ADAMTSL1: variants seen among roughly 807,000 people sequenced by gnomAD.
ADAMTSL1 encodes ADAMTS like 1.
Under a neutral mutation model 201.8 loss-of-function variants are expected in ADAMTSL1, and 126 were observed. That is an observed-to-expected ratio of 0.62 (90% confidence interval 0.54 to 0.72). ADAMTSL1 has a LOEUF of 0.72. ADAMTSL1 is among the 30% of genes least tolerant of loss of function. ADAMTSL1 has a pLI of 0.00. For synonymous variants in ADAMTSL1, 1,121 were observed against 903.4 expected, an observed-to-expected ratio of 1.24 and a Z score of -4.32; for missense variants, 2,679 against 2,277.8, an observed-to-expected ratio of 1.18 and a Z score of -3.59.
At chr9:18,145,839 C>T (rs746376290) in intron 1 of ADAMTSL1, among the ~76,000 whole-genome samples, 2 of 152,044 alleles carry the variant, frequency 1.3e-5, no homozygotes, top group Non-Finnish European at 2.9e-5. Context: ...AAAATGTTTG[C>T]AGACTAAATA....
chr9:18,122,674 G>T (rs564625753), intron 1 of ADAMTSL1, among the ~76,000 whole-genome samples: 2 of 152,178 alleles, frequency 1.3e-5, no homozygotes, highest in African/African-American at 2.4e-5. Flanking sequence ...TATTCATAGA[G>T]ATTAGCTGAA....
intron 2 of ADAMTSL1, among the ~76,000 whole-genome samples, chr9:18,243,006 G>T (rs1350124392): frequency 6.6e-6 from 1 of 151,934 alleles, no homozygotes; most frequent in Non-Finnish European, 1.5e-5. Flanking sequence ...AATTCATATG[G>T]AACCATAAAA....
intron 1 of ADAMTSL1, among the ~76,000 whole-genome samples, chr9:18,154,266 G>A (rs1449779020): frequency 1.3e-5 from 2 of 152,026 alleles, no homozygotes; most frequent in Admixed American, 6.6e-5. Flanking sequence ...GTTTAAAACA[G>A]TATTATCATT....
chr9:18,596,341 A>AATCC (rs1824260722), intron 4 of ADAMTSL1, among the ~76,000 whole-genome samples: 1 of 152,222 alleles, frequency 6.6e-6, no homozygotes, highest in Non-Finnish European at 1.5e-5. Context: ...AATCAGATAC[A>AATCC]AATTTGAAGT....
intron 1 of ADAMTSL1, among the ~76,000 whole-genome samples, chr9:17,998,161 GT>G (rs1228231923): frequency 2.0e-5 from 3 of 152,048 alleles, no homozygotes; most frequent in Non-Finnish European, 4.4e-5. Context: ...AAGCAGACAT[GT>G]GTTAAAAGAA....
chr9:18,288,242 C>A (rs1427193867), intron 2 of ADAMTSL1, among the ~76,000 whole-genome samples: 3 of 152,090 alleles, frequency 2.0e-5, no homozygotes, highest in Admixed American at 2.0e-4. Context: ...AGACAGTTAT[C>A]CAATGAGAAA....
rs1215505588 is a variant in ADAMTSL1 at position 18,910,846 on chromosome 9, A to G, written c.*2298A>G. The G allele has an allele frequency of 1.3e-5, 2 of 152,266 alleles. No homozygotes were observed. Among genetic ancestry groups the G allele is most frequent in the Non-Finnish European group, 2.9e-5 (2 of 68,046 alleles). 9.4% of individuals were successfully genotyped at this position (152,266 alleles called of 1,614,324 possible). A position where few individuals can be genotyped will look rare whatever the true frequency, so the allele number is the denominator to read the frequency against. On this transcript the variant is annotated 3_prime_UTR_variant, in exon 29 of 29. Transcript: ENST00000380548. The stretch of plus-strand genomic sequence containing the variant: ...TGAATTGCAACTCAGCAGCACCACA[A>G]GACAATGAAGGCTGCTGGCTAATGT...
At chr9:18,139,798 A>G (rs550236502) in intron 1 of ADAMTSL1, among the ~76,000 whole-genome samples, 7 of 152,242 alleles carry the variant, frequency 4.6e-5, no homozygotes, top group South Asian at 4.1e-4. Context: ...TGAATTTTAC[A>G]TTAGAAAATT....
At chr9:18,061,149 A>C (rs868698872) in intron 1 of ADAMTSL1, among the ~76,000 whole-genome samples, 3 of 152,216 alleles carry the variant, frequency 2.0e-5, no homozygotes, top group African/African-American at 7.2e-5. Context: ...AAAAAGAGCC[A>C]TGACTTATTA....
At chr9:17,983,417 A>G (rs1174749217) in intron 1 of ADAMTSL1, among the ~76,000 whole-genome samples, 3 of 152,150 alleles carry the variant, frequency 2.0e-5, no homozygotes, top group Non-Finnish European at 4.4e-5. Flanking sequence ...TGTGGCCAAG[A>G]TTGAGAACCT....
Position 18,639,372 on chromosome 9 carries a change from G to A in ADAMTSL1, c.795G>A (p.Leu265=), listed in dbSNP as rs771410998. 1.2e-6 allele frequency: 2 copies of A among 1,612,980 alleles called. No individual in the cohort carries two copies. Among genetic ancestry groups the A allele is most frequent in the Non-Finnish European group, 1.7e-6 (2 of 1,179,250 alleles). The change falls in exon 7 of 29, where the codon CTG becomes CTA. Residue 265 remains leucine, a synonymous_variant. Coordinates refer to ENST00000380548, the MANE Select transcript of ADAMTSL1 (RefSeq NM_001040272.6). ...AGAAATTTCCAGACAAAGAGATACT[G>A]AGAATGGCTGGACCACTCACAGCAG... is the stretch of plus-strand genomic sequence containing the variant. The part of the protein sequence containing the change: ...DFQKFPDKEI[L]RMAGPLTADF...
intron 20 of ADAMTSL1, among the ~76,000 whole-genome samples, chr9:18,808,216 A>G (rs1471885671): frequency 6.6e-6 from 1 of 152,242 alleles, no homozygotes; most frequent in East Asian, 1.9e-4. Context: ...TGTTTAAAAT[A>G]GAGATTACAG....
rs776455701 is a variant in ADAMTSL1, at chr9:18,775,820, G to A, written c.2475G>A (p.Thr825=). The A allele has an allele frequency of 3.7e-6, 6 of 1,609,210 alleles. No individual in the cohort carries two copies. The Admixed American group carries it at 6.7e-5, about 18-fold the overall frequency. The part of the protein sequence containing the change: ...CRKMLKTGLS[T]VVNSTLCPPL... ...AGATGCTGAAAACCGGCCTCTCAAC[G>A]GTTGTCAATTCCACCCTGTGCCCGC... The change falls in exon 18 of 29, where the codon ACG becomes ACA. Residue 825 remains threonine (T), a synonymous_variant. Coordinates refer to ENST00000380548, the MANE Select transcript of ADAMTSL1 (RefSeq NM_001040272.6).
chr9:18,398,838 A>G (rs1005884551), intron 2 of ADAMTSL1, among the ~76,000 whole-genome samples: 2 of 152,172 alleles, frequency 1.3e-5, no homozygotes, highest in Non-Finnish European at 2.9e-5. Flanking sequence ...TCATTCATTT[A>G]TTCATTTAAC....
rs200541896 is a variant in ADAMTSL1, at chr9:18,390,807, C to CA, written c.208-114013dup. On this transcript the variant is annotated intron_variant, in intron 2 of 29. Coordinates refer to the ADAMTSL1 transcript ENST00000680146. ...AAAAATACAAAAAAACAAAACAAAA[C>CA]AAAAAAAAACACCACCTCAAAACAC... Among the ~76,000 whole-genome samples the CA allele has an allele frequency of 4.1e-3, 621 of 150,650 alleles. 13 individuals carry two copies. The East Asian group carries it at 0.067, about 16-fold the overall frequency.
intron 1 of ADAMTSL1, among the ~76,000 whole-genome samples, chr9:18,056,156 C>T (rs1822172818): frequency 6.9e-6 from 1 of 144,998 alleles, no homozygotes; most frequent in Admixed American, 6.9e-5. Context: ...TCAGCAAAAG[C>T]TTTTTTTTTT....
At chr9:18,387,345 A>G (rs79290238) in intron 2 of ADAMTSL1, among the ~76,000 whole-genome samples, 4,670 of 151,986 alleles carry the variant, frequency 0.031, 229 homozygotes, top group African/African-American at 0.11. Context: ...ATGGGATGGA[A>G]TCCTCCTATA....
At chr9:18,290,917 G>A (rs1262916358) in intron 2 of ADAMTSL1, among the ~76,000 whole-genome samples, 3 of 152,020 alleles carry the variant, frequency 2.0e-5, no homozygotes, top group Non-Finnish European at 4.4e-5. Context: ...AAGTAGCTGG[G>A]ACTACAGGTG....
At chr9:18,129,399 G>A (rs1825859716) in intron 1 of ADAMTSL1, among the ~76,000 whole-genome samples, 1 of 152,114 alleles carries the variant, frequency 6.6e-6, no homozygotes, top group African/African-American at 2.4e-5. Context: ...GTTCTTTCAA[G>A]GTCACATGGT....
Sources: gnomAD v4.1 joint callset for allele counts (sites outside exome capture counted in the v4.1 genomes callset) on GRCh38, gnomAD v4.1.1 for gene constraint, MANE v1.5 for transcripts, NCBI Gene and HGNC (gene_info 2026-07-23, HGNC 2026-07-21) for gene names.